The following TUBGCP3 variants were observed in gnomAD, a reference collection of about 807,000 sequenced individuals.
TUBGCP3 encodes gamma-tubulin complex component 3.
A neutral mutation model predicts 123.1 loss-of-function variants in TUBGCP3; 50 were observed. The observed-to-expected ratio is 0.41, with a 90% confidence interval of 0.32 to 0.51. TUBGCP3 has a LOEUF of 0.51. Among genes scored for constraint, TUBGCP3 ranks in the 20% least tolerant of loss-of-function variants. TUBGCP3 has a pLI of 0.36. For synonymous variants in TUBGCP3, 405 were observed against 413.9 expected (o/e 0.98, Z 0.26); for missense variants, 882 against 1,127.0 (o/e 0.78, Z 3.11).
At chr13:112,520,933 A>G (rs966990665) in intron 14 of TUBGCP3, among the ~76,000 whole-genome samples, 6 of 152,250 alleles carry the variant, frequency 3.9e-5, no homozygotes, top group Admixed American at 3.3e-4. Flanking sequence ...AATAAACCTA[A>G]AAACTAGGAA....
intron 13 of TUBGCP3, among the ~76,000 whole-genome samples, chr13:112,525,672 G>A (rs988150018): frequency 6.6e-6 from 1 of 152,206 alleles, no homozygotes; most frequent in Non-Finnish European, 1.5e-5. Flanking sequence ...AGAGAACGAG[G>A]GAAAGCCTCA....
At chr13:112,522,565 A>T (rs1015749420) in intron 13 of TUBGCP3, 56 bp from the exon 14 acceptor site, 1 of 1,542,512 alleles carries the variant, frequency 6.5e-7, no homozygotes, top group East Asian at 2.3e-5. Context: ...ATTTCCACAG[A>T]GGAGAAATGA....
At chr13:112,521,942 C>T (rs1427552155) in intron 14 of TUBGCP3, 44 of 594,422 alleles carry the variant, frequency 7.4e-5, no homozygotes, top group Non-Finnish European at 8.7e-5. Flanking sequence ...TGAACATTAA[C>T]TACAAATATA....
At chr13:112,540,130 T>C (rs890645251) in intron 11 of TUBGCP3, among the ~76,000 whole-genome samples, 4 of 150,228 alleles carry the variant, frequency 2.7e-5, no homozygotes, top group Non-Finnish European at 4.4e-5. Context: ...AAAGGACACC[T>C]GGGAATGAGG....
chr13:112,521,835 G>C (rs1288413147), intron 14 of TUBGCP3: 1 of 985,414 alleles, frequency 1.0e-6, no homozygotes, highest in Non-Finnish European at 1.2e-6. Flanking sequence ...CTCTGGTCCA[G>C]AACTTGTGGA....
chr13:112,535,162 T>C (rs1255455641), intron 11 of TUBGCP3, among the ~76,000 whole-genome samples: 1 of 152,268 alleles, frequency 6.6e-6, no homozygotes, highest in African/African-American at 2.4e-5. Context: ...ATTGTATGGA[T>C]ATACGTCATT....
At chr13:112,588,413 T>G (rs372052341), upstream of TUBGCP3, among the ~76,000 whole-genome samples, 23 of 151,774 alleles carry the variant, frequency 1.5e-4, no homozygotes, top group African/African-American at 4.4e-4. Flanking sequence ...GGTGTGGGGG[T>G]GTGTGTGTTA....
Position 112,504,183 on chromosome 13 carries a change from A to G in TUBGCP3, c.2176-20T>C, listed in dbSNP as rs779113123. The G allele has an allele frequency of 6.2e-7, 1 of 1,614,062 alleles. No individual in the cohort carries two copies. Among genetic ancestry groups the G allele is most frequent in the Non-Finnish European group, 8.5e-7 (1 of 1,179,984 alleles). ...AAGCACCTGGGAAACAACAATTTAAAGACGCTAGATAAGCTCATGTCCTTC... is the reference window on the plus strand; with the variant it reads ...AAGCACCTGGGAAACAACAATTTAAGGACGCTAGATAAGCTCATGTCCTTC... On this transcript the variant is annotated intron_variant, in intron 18 of 21. Transcript: ENST00000261965.
At position 112,556,088 on chromosome 13, in the gene TUBGCP3, T is replaced by C. The variant is rs370273221; in HGVS notation, c.685A>G (p.Asn229Asp). 6 of 1,613,972 alleles carry C rather than the reference T, an allele frequency of 3.7e-6. No individual in the cohort carries two copies. The highest frequency in any genetic ancestry group is 5.1e-6 in the Non-Finnish European group (6 of 1,179,974). The stretch of plus-strand genomic sequence containing the variant: ...CCTTCTCTCCTGGACCTTGTCATGT[T>C]GCGAGACACAGCACTGGGGACACCT... The part of the protein sequence containing the change: ...SKGVPSAVSR[N>D]MTRSRREGDT... Residue 229 changes from asparagine (N) to aspartate (D), a missense_variant, in exon 6 of 22, where the codon AAC (asparagine) becomes GAC (aspartate). By Grantham distance (23) the Asn-to-Asp change is conservative. Coordinates refer to ENST00000261965, the MANE Select transcript of TUBGCP3 (RefSeq NM_006322.6).
chr13:112,498,658 T>C, intron 20 of TUBGCP3: 1 of 1,028,872 alleles, frequency 9.7e-7, no homozygotes, highest in Non-Finnish European at 1.4e-6. Context: ...GGAGCACCTG[T>C]AGATGCACAC....
At chr13:112,577,169 CCATAT>C (rs2139307469) in intron 1 of TUBGCP3, among the ~76,000 whole-genome samples, 1 of 152,194 alleles carries the variant, frequency 6.6e-6, no homozygotes, top group South Asian at 2.1e-4. Flanking sequence ...TAAAACAACT[CCATAT>C]CATAAGTGTG....
In TUBGCP3 at chr13:112,508,829, G is replaced by A. The variant is rs1229512578; in HGVS notation, c.2087-4115C>T. On this transcript the variant is annotated intron_variant, in intron 17 of 21. Transcript: ENST00000261965. The surrounding 1 kb of genome is among the most constrained non-coding windows in gnomAD (Gnocchi z 4.2). Reference sequence around the variant, plus strand: ...GCCACTGAGACTCCAACCACCTCCTGGCCTCCGTACACGCATCACCTGGTC... The same window carrying A: ...GCCACTGAGACTCCAACCACCTCCTAGCCTCCGTACACGCATCACCTGGTC... Among the ~76,000 whole-genome samples, 1 of 152,006 alleles carries A rather than the reference G, an allele frequency of 6.6e-6. No individual in the cohort carries two copies. The highest frequency in any genetic ancestry group is 2.4e-5 in the African/African-American group (1 of 41,364).
intron 9 of TUBGCP3, 37 bp downstream of exon 9, chr13:112,548,071 A>T: frequency 1.4e-6 from 2 of 1,473,094 alleles, no homozygotes; most frequent in Non-Finnish European, 1.8e-6. Flanking sequence ...TAACACTTCA[A>T]ATCATAAAGA....
chr13:112,568,722 G>C (rs904397697), intron 2 of TUBGCP3, among the ~76,000 whole-genome samples: 10 of 152,234 alleles, frequency 6.6e-5, no homozygotes, highest in African/African-American at 2.4e-4. Context: ...ATACAGCCCA[G>C]AGAACTATAA....
In TUBGCP3 at chr13:112,558,180, G is replaced by A. The variant is rs767396897; in HGVS notation, c.548+16C>T. On this transcript the variant is annotated intron_variant, in intron 5 of 21. Transcript: ENST00000261965. ...TCTAACACATAGAGAATCTATACACGTCAGTGTGGCCTTACCCTGGGAGGA... is the reference window on the plus strand; with the variant it reads ...TCTAACACATAGAGAATCTATACACATCAGTGTGGCCTTACCCTGGGAGGA... 16 of 1,603,794 alleles carry A rather than the reference G, an allele frequency of 1.0e-5. No homozygotes were observed. The highest frequency in any genetic ancestry group is 4.0e-5 in the African/African-American group (3 of 74,740).
intron 11 of TUBGCP3, among the ~76,000 whole-genome samples, chr13:112,529,634 G>C (rs1028164615): frequency 6.6e-6 from 1 of 152,158 alleles, no homozygotes; most frequent in African/African-American, 2.4e-5. Flanking sequence ...TGGTGCTCTA[G>C]GCTTAGCTCT....
At chr13:112,517,887 G>A (rs1876284725) in intron 16 of TUBGCP3, among the ~76,000 whole-genome samples, 1 of 152,084 alleles carries the variant, frequency 6.6e-6, no homozygotes, top group African/African-American at 2.4e-5. Context: ...GTGAGACTCT[G>A]TGTCAAAAAT....
At chr13:112,491,128 C>T (rs1478804208) in intron 20 of TUBGCP3, among the ~76,000 whole-genome samples, 1 of 152,196 alleles carries the variant, frequency 6.6e-6, no homozygotes, top group East Asian at 1.9e-4. Flanking sequence ...TTATTAACTT[C>T]TTTGTTTCCG....
At chr13:112,491,310 A>G (rs973368066) in intron 20 of TUBGCP3, among the ~76,000 whole-genome samples, 3 of 152,084 alleles carry the variant, frequency 2.0e-5, no homozygotes, top group Non-Finnish European at 1.5e-5. Context: ...TGTGCATTTT[A>G]TCTTTCATAG....
Sources: gnomAD v4.1 joint callset for allele counts (sites outside exome capture counted in the v4.1 genomes callset) on GRCh38, gnomAD v4.1.1 for gene constraint, Gnocchi (gnomAD v3.1) non-coding constraint, MANE v1.5 for transcripts, NCBI Gene and HGNC (gene_info 2026-07-23, HGNC 2026-07-21) for gene names.